The following CAPRIN1 variants were observed in gnomAD, a reference collection of about 807,000 sequenced individuals.
The protein encoded by CAPRIN1 is cell cycle associated protein 1, also known as caprin-1.
In CAPRIN1, 29 loss-of-function variants were observed where a neutral mutation model predicts 100.9. That is an observed-to-expected ratio of 0.29 (90% CI 0.21 to 0.39). CAPRIN1 has a LOEUF of 0.39. Ranked by LOEUF, CAPRIN1 falls within the 10% of genes least tolerant of loss-of-function variation. The pLI is 1.00. For missense variants in CAPRIN1, 795 were observed against 876.7 expected, an observed-to-expected ratio of 0.91 and a Z score of 1.18; for synonymous variants, 338 against 307.5, an observed-to-expected ratio of 1.10 and a Z score of -1.04.
chr11:34,054,841 A>G (rs1024997787), intron 2 of CAPRIN1, among the ~76,000 whole-genome samples: 2 of 152,238 alleles, frequency 1.3e-5, no homozygotes, highest in African/African-American at 4.8e-5. Flanking sequence ...AACATAAAAT[A>G]TTAATGATTG....
At chr11:34,085,274 A>C (rs1388410346) in intron 9 of CAPRIN1, among the ~76,000 whole-genome samples, 2 of 152,152 alleles carry the variant, frequency 1.3e-5, no homozygotes, top group African/African-American at 4.8e-5. Flanking sequence ...AGCAGTTTAG[A>C]TGAGTTGGTA....
intron 11 of CAPRIN1, among the ~76,000 whole-genome samples, chr11:34,088,550 T>C (rs544911079): frequency 2.6e-5 from 4 of 152,220 alleles, no homozygotes; most frequent in Non-Finnish European, 5.9e-5. Context: ...GGCATGCATC[T>C]ATAGTCCCAG....
At position 34,100,591 on chromosome 11, in the gene CAPRIN1, A is replaced by G. The variant is rs1350721171; in HGVS notation, c.*1224A>G. The G allele has an allele frequency of 6.6e-6, 1 of 152,172 alleles. No individual in the cohort carries two copies. Among genetic ancestry groups the G allele is most frequent in the Non-Finnish European group, 1.5e-5 (1 of 68,004 alleles). 9.4% of individuals were successfully genotyped at this position (152,172 alleles called of 1,614,324 possible). A position where few individuals can be genotyped will look rare whatever the true frequency, so the allele number is the denominator to read the frequency against. On this transcript the variant is annotated 3_prime_UTR_variant, in exon 19 of 19. Transcript: ENST00000341394. ...GTTAGTGTCACAAATTTTATGGTTT[A>G]TCTCCAGCAACATTTCTCTAGTACT...
At chr11:34,067,709 G>C (rs554890485) in intron 2 of CAPRIN1, among the ~76,000 whole-genome samples, 12 of 151,862 alleles carry the variant, frequency 7.9e-5, no homozygotes, top group African/African-American at 2.4e-4. Context: ...ATGTTGTCCA[G>C]GCTGGTCTTG....
At position 34,052,926 on chromosome 11, in the gene CAPRIN1, C is replaced by T. The variant is rs73497027; in HGVS notation, c.216+290C>T. 3.5e-3 allele frequency: 4,390 copies of T among 1,268,334 alleles called. 103 individuals carry two copies. The African/African-American group carries it at 0.061, about 18-fold the overall frequency. 78.6% of individuals were successfully genotyped at this position (1,268,334 alleles called of 1,614,324 possible). ...GGCTTTTTGGCCTTTAGGAGTGGGA[C>T]ATGTGAGGGTGGGGGCCTGTCGTCA... is the stretch of plus-strand genomic sequence containing the variant. On this transcript the variant is annotated intron_variant, in intron 2 of 18. Transcript: ENST00000341394.
chr11:34,091,967 A>G lies in CAPRIN1; in HGVS notation c.1616A>G (p.Asn539Ser), dbSNP rs1851273303. The G allele has an allele frequency of 6.2e-7, 1 of 1,614,070 alleles. No homozygotes were observed. ...GAACCAGAAACTTTAAAACAGCAAA[A>G]TCAGTACCAGGCCAGTTATAACCAG... is the stretch of plus-strand genomic sequence containing the variant. ...VNEPETLKQQ[N>S]QYQASYNQSF... Residue 539 changes from asparagine (N) to serine (S), a missense_variant, in exon 15 of 19, where the codon AAT becomes AGT. Physicochemically the swap from Asn to Ser is conservative, Grantham distance 46. Transcript: ENST00000341394.
At chr11:34,072,316 T>TA (rs59649247) in intron 4 of CAPRIN1, among the ~76,000 whole-genome samples, 23,035 of 114,828 alleles carry the variant, frequency 0.2, 2,293 homozygotes, top group East Asian at 0.42. Context: ...ACCCCATCTC[T>TA]AAAAAAAAAA....
intron 2 of CAPRIN1, among the ~76,000 whole-genome samples, chr11:34,060,585 A>C (rs988194601): frequency 1.3e-5 from 2 of 152,196 alleles, no homozygotes; most frequent in Middle Eastern, 3.2e-3. Flanking sequence ...TTACACTTTG[A>C]GTTACATTGA....
rs1219912167 is a variant in CAPRIN1, at chr11:34,099,725, A to G, written c.*358A>G. The G allele has an allele frequency of 5.2e-6, 1 of 192,290 alleles. No individual in the cohort carries two copies. The highest frequency in any genetic ancestry group is 1.1e-5 in the Non-Finnish European group (1 of 94,240). The allele number at this position is 192,290 out of a possible 1,614,324, so 11.9% of individuals were successfully genotyped here. Reference sequence around the variant, plus strand: ...AAGATTGACTTTTATGACATTGGATAAAATCTACAAATCAGCCCTCGAGTT... The same window carrying G: ...AAGATTGACTTTTATGACATTGGATGAAATCTACAAATCAGCCCTCGAGTT... On this transcript the variant is annotated 3_prime_UTR_variant, in exon 19 of 19. Coordinates refer to ENST00000341394, the MANE Select transcript of CAPRIN1 (RefSeq NM_005898.5).
chr11:34,061,200 CTTTTTTTTT>C (rs770158492), intron 2 of CAPRIN1, among the ~76,000 whole-genome samples: 3 of 102,848 alleles, frequency 2.9e-5, no homozygotes, highest in South Asian at 3.1e-4. Context: ...AGGTAACATC[CTTTTTTTTT>C]TTTTTTTTTT....
rs1850814273 is a variant in CAPRIN1, at chr11:34,072,136, T to C, written c.366+149T>C. On this transcript the variant is annotated intron_variant, in intron 4 of 18. Coordinates refer to ENST00000341394, the MANE Select transcript of CAPRIN1 (RefSeq NM_005898.5). ...TGCCTTCACATTCTGTAAAGTAAAA[T>C]GTAACACCTGAAAGATGTCTTTTAA... 2 of 592,214 alleles carry C rather than the reference T, an allele frequency of 3.4e-6. 1 individual carries two copies. The highest frequency in any genetic ancestry group is 3.7e-5 in the African/African-American group (2 of 53,562). The allele number at this position is 592,214 out of a possible 1,614,324, so 36.7% of individuals were successfully genotyped here. A position where few individuals can be genotyped will look rare whatever the true frequency, so the allele number is the denominator to read the frequency against.
At chr11:34,064,724 A>G (rs948089391) in intron 2 of CAPRIN1, among the ~76,000 whole-genome samples, 1 of 152,198 alleles carries the variant, frequency 6.6e-6, no homozygotes, top group Non-Finnish European at 1.5e-5. Context: ...ACTACTTACA[A>G]ATGGCAGTGG....
intron 4 of CAPRIN1, among the ~76,000 whole-genome samples, chr11:34,073,674 C>T (rs887583464): frequency 1.3e-5 from 2 of 152,158 alleles, no homozygotes; most frequent in Non-Finnish European, 2.9e-5. Context: ...GATCGGCCTG[C>T]CTCAGCCTCC....
At chr11:34,086,443 A>G (rs1454514338) in intron 11 of CAPRIN1, 30 bp downstream of exon 11, 5 of 1,244,954 alleles carry the variant, frequency 4.0e-6, no homozygotes, top group African/African-American at 1.5e-5. Flanking sequence ...TATGTGAGAG[A>G]GAAATATAAG....
At chr11:34,069,659 A>AAAATT (rs139488088) in intron 2 of CAPRIN1, among the ~76,000 whole-genome samples, 1 of 151,756 alleles carries the variant, frequency 6.6e-6, no homozygotes, top group Non-Finnish European at 1.5e-5. Context: ...GTAAAAAAAA[A>AAAATT]TTTTTTTCCC....
chr11:34,091,189 A>G (rs1851256161), intron 14 of CAPRIN1, among the ~76,000 whole-genome samples: 1 of 152,236 alleles, frequency 6.6e-6, no homozygotes, highest in Non-Finnish European at 1.5e-5. Context: ...TATTAAAATA[A>G]CTTTTGATTA....
intron 2 of CAPRIN1, chr11:34,053,237 C>A: frequency 6.1e-6 from 5 of 814,528 alleles, no homozygotes; most frequent in Non-Finnish European, 7.4e-6. Flanking sequence ...CGATTTGCTA[C>A]CCCCGCGCCC....
intron 14 of CAPRIN1, chr11:34,091,675 T>G (rs1316912116): frequency 2.9e-6 from 1 of 347,574 alleles, no homozygotes; most frequent in Non-Finnish European, 5.1e-6. Context: ...TTTAATTCCC[T>G]ACTTCCATTT....
chr11:34,069,984 C>A (rs1286482146), intron 2 of CAPRIN1, among the ~76,000 whole-genome samples: 1 of 151,254 alleles, frequency 6.6e-6, no homozygotes, highest in African/African-American at 2.4e-5. Context: ...TCTGAATGCC[C>A]TTTATTAGAA....
Sources: gnomAD v4.1 joint callset for allele counts (sites outside exome capture counted in the v4.1 genomes callset) on GRCh38, gnomAD v4.1.1 for gene constraint, MANE v1.5 for transcripts, NCBI Gene and HGNC (gene_info 2026-07-23, HGNC 2026-07-21) for gene names.